The following CFI variants were observed in gnomAD, a reference collection of about 807,000 sequenced individuals.
CFI encodes the protein C3B/C4B inactivator.
CFI carries 66 observed loss-of-function variants against 78.8 expected under a neutral mutation model. That is an observed-to-expected ratio of 0.84 (90% CI 0.69 to 1.03). The LOEUF is 1.03. CFI is among the 50% of genes least tolerant of loss of function. The pLI, the probability that CFI is intolerant of heterozygous loss-of-function variation, is 0.00. For missense variants in CFI, 706 were observed against 704.5 expected, an observed-to-expected ratio of 1.00 and a Z score of -0.02; for synonymous variants, 250 against 232.6, an observed-to-expected ratio of 1.07 and a Z score of -0.68.
chr4:109,774,703 A>T (rs1439245543), intron 1 of CFI, among the ~76,000 whole-genome samples: 1 of 152,202 alleles, frequency 6.6e-6, no homozygotes, highest in African/African-American at 2.4e-5. Context: ...CTGCAGAACT[A>T]GTAAAGGAGA....
At chr4:109,773,608 C>G (rs78122381) in intron 1 of CFI, among the ~76,000 whole-genome samples, 3 of 152,120 alleles carry the variant, frequency 2.0e-5, no homozygotes, top group African/African-American at 7.2e-5. Context: ...GGATGATACA[C>G]TCTTTATAAT....
rs765263923 is a variant in CFI at position 109,740,827 on chromosome 4, C to T, written c.*66G>A. ...CCCCCTAGAGAATTATTAATTATAC[C>T]GTTTTATTTCCATTAAATGGAACTC... On this transcript the variant is annotated 3_prime_UTR_variant, in exon 13 of 13. Transcript: ENST00000394634. 40 of 1,405,658 alleles carry T rather than the reference C, an allele frequency of 2.8e-5. No homozygotes were observed. Among genetic ancestry groups the T allele is most frequent in the Non-Finnish European group, 3.8e-5 (38 of 994,286 alleles). 87.1% of individuals were successfully genotyped at this position (1,405,658 alleles called of 1,614,324 possible).
At chr4:109,752,951 ATACATATTTAT>A (rs1281443881) in intron 7 of CFI, among the ~76,000 whole-genome samples, 6,820 of 73,830 alleles carry the variant, frequency 0.092, 1,687 homozygotes, top group South Asian at 0.31. Context: ...AATATTTATA[ATACATATTTAT>A]TATATATTTA....
the CFI span, among the ~76,000 whole-genome samples, chr4:109,732,856 CAA>C: frequency 0.28 from 36,581 of 130,300 alleles, 7,747 homozygotes; most frequent in African/African-American, 0.62. Context: ...GACTCTGTCT[CAA>C]AAAAAAAAAA....
downstream of CFI, among the ~76,000 whole-genome samples, chr4:109,740,250 T>C (rs550341327): frequency 2.6e-5 from 4 of 151,704 alleles, no homozygotes; most frequent in Non-Finnish European, 5.9e-5. Flanking sequence ...ATGATGGCAC[T>C]TCTGCAGTCC....
chr4:109,797,026 C>T (rs902599864), intron 1 of CFI, among the ~76,000 whole-genome samples: 8 of 152,098 alleles, frequency 5.3e-5, no homozygotes, highest in Non-Finnish European at 1.2e-4. Context: ...TTGATACAAT[C>T]CCTACCAAAA....
chr4:109,795,023 C>A (rs893207925), intron 1 of CFI, among the ~76,000 whole-genome samples: 1 of 151,958 alleles, frequency 6.6e-6, no homozygotes, highest in African/African-American at 2.4e-5. Context: ...TTACAGCATG[C>A]AAGTGGAACA....
rs1381469349 is a variant in CFI at position 109,757,773 on chromosome 4, AG to A, written c.893del (p.Ser298LeufsTer2). ...TAATAAAAATTTTACCTTGAGTCAC[AG>A]ATGCAAAGCCTGAAGAAAACAAAAA... ...EDEVGCAGFA[S>X]VTQEETEILT... On this transcript the variant is annotated frameshift_variant, in exon 7 of 13. Transcript: ENST00000394634. LOFTEE classifies it high-confidence loss of function. 6.2e-6 allele frequency: 9 copies of A among 1,456,472 alleles called. No individual in the cohort carries two copies. The highest frequency in any genetic ancestry group is 7.6e-6 in the Non-Finnish European group (8 of 1,045,800). 90.2% of individuals were successfully genotyped at this position (1,456,472 alleles called of 1,614,324 possible). A position where few individuals can be genotyped will look rare whatever the true frequency, so the allele number is the denominator to read the frequency against.
chr4:109,764,618 T>C lies in CFI; in HGVS notation c.401A>G (p.Gln134Arg). The change falls in exon 3 of 13, where the codon CAA (glutamine) becomes CGA (arginine). Residue 134 changes from glutamine (Q) to arginine (R), a missense_variant. By Grantham distance (43) the Gln-to-Arg change is conservative. Coordinates refer to ENST00000394634, the MANE Select transcript of CFI (RefSeq NM_000204.5). ...TTTGCATATGAACATTGTCTTATCT[T>C]GGTCCACAAGTTTTACTTCAACTAT... ...EGIVEVKLVD[Q>R]DKTMFICKSS... 1 of 1,614,174 alleles carries C rather than the reference T, an allele frequency of 6.2e-7. No homozygotes were observed. The highest frequency in any genetic ancestry group is 8.5e-7 in the Non-Finnish European group (1 of 1,180,010).
chr4:109,787,214 T>C (rs1474233422), intron 1 of CFI, among the ~76,000 whole-genome samples: 1 of 152,066 alleles, frequency 6.6e-6, no homozygotes. Flanking sequence ...AGAAAAACAA[T>C]TGGAAAACTT....
intron 1 of CFI, among the ~76,000 whole-genome samples, chr4:109,770,852 C>A (rs1458640985): frequency 1.1e-4 from 16 of 152,052 alleles, no homozygotes. Context: ...CCCCACAGAA[C>A]CCCAGAAAAG....
intron 3 of CFI, chr4:109,764,247 T>C (rs985213112): frequency 4.4e-6 from 2 of 457,240 alleles, no homozygotes; most frequent in Non-Finnish European, 8.0e-6. Flanking sequence ...TACATAATTG[T>C]AGACGAGTAG....
chr4:109,789,194 G>A (rs185551072), intron 1 of CFI, among the ~76,000 whole-genome samples: 73 of 151,986 alleles, frequency 4.8e-4, no homozygotes, highest in African/African-American at 1.7e-3. Flanking sequence ...GAGTATAAAT[G>A]AACTGTGGGG....
At chr4:109,799,660 A>G (rs1003649072) in intron 1 of CFI, among the ~76,000 whole-genome samples, 18 of 152,342 alleles carry the variant, frequency 1.2e-4, no homozygotes, top group Non-Finnish European at 1.8e-4. Flanking sequence ...GATTAGGATA[A>G]TATTCTGCAT....
rs1366136808 is a variant in CFI, at chr4:109,746,324, CT to C, written c.1326del (p.Asp443IlefsTer49). 2 of 1,614,170 alleles carry C rather than the reference CT, an allele frequency of 1.2e-6. No homozygotes were observed. The highest frequency in any genetic ancestry group is 4.5e-5 in the East Asian group (2 of 44,886). ...GGGATGGAACGAGGCAGCTCACAATCTTTTTTGTTTCCGTCTTTTTTCATTT... is the reference window on the plus strand; with the variant it reads ...GGGATGGAACGAGGCAGCTCACAATCTTTTTGTTTCCGTCTTTTTTCATTT... ...LIEMKKDGNK[K>X]DCELPRSIPA... On this transcript the variant is annotated frameshift_variant, in exon 11 of 13. Transcript: ENST00000394634. LOFTEE classifies it high-confidence loss of function.
intron 1 of CFI, among the ~76,000 whole-genome samples, chr4:109,787,250 T>C (rs62324935): frequency 0.25 from 37,879 of 152,062 alleles, 5,359 homozygotes; most frequent in Admixed American, 0.36. Flanking sequence ...TATATAACTG[T>C]TGTCTTTCTT....
intron 1 of CFI, among the ~76,000 whole-genome samples, chr4:109,783,969 G>A (rs1392229675): frequency 6.6e-6 from 1 of 151,494 alleles, no homozygotes; most frequent in Non-Finnish European, 1.5e-5. Context: ...TCACTGATAT[G>A]TGGAAGCTAA....
intron 6 of CFI, among the ~76,000 whole-genome samples, chr4:109,759,001 G>T (rs998041217): frequency 6.6e-6 from 1 of 152,214 alleles, no homozygotes; most frequent in East Asian, 1.9e-4. Context: ...GCTGAGGTGG[G>T]AGAATCCCTT....
chr4:109,778,929 A>T (rs985446752), intron 1 of CFI, among the ~76,000 whole-genome samples: 1 of 152,220 alleles, frequency 6.6e-6, no homozygotes, highest in Non-Finnish European at 1.5e-5. Context: ...ACAAAATTCA[A>T]CAGCCCTTCA....
Sources: gnomAD v4.1 joint callset for allele counts (sites outside exome capture counted in the v4.1 genomes callset) on GRCh38, gnomAD v4.1.1 for gene constraint, MANE v1.5 for transcripts, NCBI Gene and HGNC (gene_info 2026-07-23, HGNC 2026-07-21) for gene names.